CLIC6: variants seen among roughly 807,000 people sequenced by gnomAD.
CLIC6 encodes chloride intracellular channel protein 6.
A neutral mutation model predicts 49.2 loss-of-function variants in CLIC6; 39 were observed. The ratio of observed to expected loss-of-function variants is 0.79; its 90% CI spans 0.61 to 1.04. The LOEUF (loss-of-function observed/expected upper bound fraction) is 1.04, where lower values mean the gene tolerates loss of function less well. Ranked by LOEUF, CLIC6 falls within the 50% of genes least tolerant of loss-of-function variation. CLIC6 has a pLI of 0.00. For synonymous variants in CLIC6, 446 were observed against 433.4 expected (o/e 1.03, Z -0.36); for missense variants, 988 against 993.1 (o/e 0.99, Z 0.07).
intron 1 of CLIC6, among the ~76,000 whole-genome samples, chr21:34,701,018 G>GA (rs1990177777): frequency 1.4e-5 from 2 of 138,990 alleles, no homozygotes; most frequent in African/African-American, 2.9e-5. Context: ...TTTTCACTTG[G>GA]AGTAGGTATA....
At chr21:34,692,606 T>A (rs772092593) in intron 1 of CLIC6, among the ~76,000 whole-genome samples, 21 of 152,242 alleles carry the variant, frequency 1.4e-4, no homozygotes, top group Non-Finnish European at 8.8e-5. Flanking sequence ...CTAGTTTCAG[T>A]GTAAACAAAA....
intron 1 of CLIC6, among the ~76,000 whole-genome samples, chr21:34,682,209 A>G (rs528408094): frequency 2.6e-3 from 391 of 152,290 alleles, no homozygotes; most frequent in African/African-American, 8.6e-3. Context: ...GTGCATATTT[A>G]AGATTTTGAT....
intron 1 of CLIC6, among the ~76,000 whole-genome samples, chr21:34,706,643 C>T (rs2056016546): frequency 6.6e-6 from 1 of 152,134 alleles, no homozygotes; most frequent in Admixed American, 6.5e-5. Flanking sequence ...CCATCATAGA[C>T]AAGTTTGCCC....
At chr21:34,681,798 G>C (rs1989785043) in intron 1 of CLIC6, among the ~76,000 whole-genome samples, 1 of 152,154 alleles carries the variant, frequency 6.6e-6, no homozygotes. Context: ...TTAGAAATAT[G>C]ATCACTAAGT....
At chr21:34,707,451 A>ACACACACACACACG in intron 2 of CLIC6, 62 bp downstream of exon 2, 1 of 868,002 alleles carries the variant, frequency 1.2e-6, no homozygotes, top group Non-Finnish European at 1.9e-6. Context: ...ACACACACAC[A>ACACACACACACACG]CACACACACA....
In CLIC6 at chr21:34,669,375, A is replaced by C; in HGVS notation, c.-14A>C. 1 of 1,237,430 alleles carries C rather than the reference A, an allele frequency of 8.1e-7. No individual in the cohort carries two copies. Among genetic ancestry groups the C allele is most frequent in the Non-Finnish European group, 1.0e-6 (1 of 990,744 alleles). 76.7% of individuals were successfully genotyped at this position (1,237,430 alleles called of 1,614,324 possible). A position where few individuals can be genotyped will look rare whatever the true frequency, so the allele number is the denominator to read the frequency against. Reference sequence around the variant, plus strand: ...CAAGGAAGGAGTCCCGATCAAGGACAGGGATCTGCGGCCATGGCCGAGGCC... The same window carrying C: ...CAAGGAAGGAGTCCCGATCAAGGACCGGGATCTGCGGCCATGGCCGAGGCC... On this transcript the variant is annotated 5_prime_UTR_variant, in exon 1 of 6. Transcript: ENST00000349499.
intron 1 of CLIC6, among the ~76,000 whole-genome samples, chr21:34,682,810 T>A (rs1184544541): frequency 3.9e-5 from 5 of 127,634 alleles, no homozygotes; most frequent in African/African-American, 1.6e-4. Context: ...CATTTTTTTT[T>A]TTTTTTTTTT....
At chr21:34,674,695 A>G (rs1317194308) in intron 1 of CLIC6, among the ~76,000 whole-genome samples, 7 of 152,220 alleles carry the variant, frequency 4.6e-5, no homozygotes, top group African/African-American at 1.7e-4. Context: ...TTGTTTTCTC[A>G]AAGAAGTGTT....
At chr21:34,694,248 G>T (rs987608966) in intron 1 of CLIC6, among the ~76,000 whole-genome samples, 6 of 150,110 alleles carry the variant, frequency 4.0e-5, no homozygotes, top group Non-Finnish European at 8.9e-5. Flanking sequence ...GAAAGTGTTG[G>T]GATTATAGGC....
In CLIC6 at chr21:34,694,259, G is replaced by A. The variant is rs190866188; in HGVS notation, c.1375-13021G>A. Among the ~76,000 whole-genome samples, 554 of 151,186 alleles carry A rather than the reference G, an allele frequency of 3.7e-3. 15 individuals carry two copies. The highest frequency in any genetic ancestry group is 0.034 in the Admixed American group (514 of 15,152). ...CTCCGAAAGTGTTGGGATTATAGGC[G>A]TGAGCCATCGCGCCCGGCCAAGATC... On this transcript the variant is annotated intron_variant, in intron 1 of 5. Transcript: ENST00000349499.
chr21:34,708,129 G>A (rs2056029738), intron 3 of CLIC6, 60 bp downstream of exon 3: 2 of 1,594,710 alleles, frequency 1.3e-6, no homozygotes, highest in South Asian at 2.2e-5. Context: ...CTAGTAGTCA[G>A]TTCTAAAGCT....
chr21:34,693,498 G>A (rs1183568037), intron 1 of CLIC6, among the ~76,000 whole-genome samples: 1 of 152,174 alleles, frequency 6.6e-6, no homozygotes, highest in East Asian at 1.9e-4. Context: ...ACCATAGTAA[G>A]GAACCAAGAT....
chr21:34,718,210 A>G lies in CLIC6; in HGVS notation c.*1728A>G, dbSNP rs1196795288. 1 of 152,424 alleles carries G rather than the reference A, an allele frequency of 6.6e-6. No individual in the cohort carries two copies. The highest frequency in any genetic ancestry group is 1.5e-5 in the Non-Finnish European group (1 of 68,006). The allele number at this position is 152,424 out of a possible 1,614,324, so 9.4% of individuals were successfully genotyped here. On this transcript the variant is annotated 3_prime_UTR_variant, in exon 6 of 6. Transcript: ENST00000349499. ...CTTGAAAATGAAACAAATTATAAAA[A>G]TGTTTAAATGGAACCAATTTCTTTT...
chr21:34,691,127 T>TA (rs1400329374), intron 1 of CLIC6, among the ~76,000 whole-genome samples: 2 of 152,218 alleles, frequency 1.3e-5, no homozygotes, highest in Admixed American at 6.5e-5. Context: ...TGCTAACTTC[T>TA]ACAGGGAGGT....
At chr21:34,670,916 G>T (rs535403521) in intron 1 of CLIC6, among the ~76,000 whole-genome samples, 154 bp downstream of exon 1, 10 of 152,162 alleles carry the variant, frequency 6.6e-5, no homozygotes, top group South Asian at 6.2e-4. Context: ...GGGACAGCCG[G>T]GATTTCCCGG....
chr21:34,689,734 C>T (rs1303034016), intron 1 of CLIC6, among the ~76,000 whole-genome samples: 1 of 152,078 alleles, frequency 6.6e-6, no homozygotes, highest in Non-Finnish European at 1.5e-5. Flanking sequence ...TGTGCAATGT[C>T]AGGCTGGGGC....
Position 34,669,732 on chromosome 21 carries a change from G to A in CLIC6, c.344G>A (p.Arg115His). ...CAGGTGGAGGGGGCGAGCCCGGGAC[G>A]CGGCGCGCAGGGCGAGCCCCGCGGG... ...AQQVEGASPGRGAQGEPRGEA... is the reference protein window; with the variant it reads ...AQQVEGASPGHGAQGEPRGEA... The change falls in exon 1 of 6, where the codon CGC becomes CAC. Residue 115 changes from arginine (R) to histidine (H), a missense_variant. Physicochemically the swap from Arg to His is conservative, Grantham distance 29. This residue lies in a region of CLIC6 where 284 missense variants were observed against 278.6 expected (regional missense o/e 1.02). Coordinates refer to ENST00000349499, the MANE Select transcript of CLIC6 (RefSeq NM_053277.3). 1 of 1,385,190 alleles carries A rather than the reference G, an allele frequency of 7.2e-7. No individual in the cohort carries two copies. Among genetic ancestry groups the A allele is most frequent in the Non-Finnish European group, 9.3e-7 (1 of 1,079,902 alleles). The allele number at this position is 1,385,190 out of a possible 1,614,324, so 85.8% of individuals were successfully genotyped here.
At chr21:34,672,432 C>A (rs1324563503) in intron 1 of CLIC6, among the ~76,000 whole-genome samples, 1 of 152,182 alleles carries the variant, frequency 6.6e-6, no homozygotes, top group African/African-American at 2.4e-5. Flanking sequence ...TTGAAACTTT[C>A]TACATTATGT....
rs1568970716 is a variant in CLIC6, at chr21:34,708,806, A to T, written c.1717A>T (p.Ile573Phe). The part of the protein sequence containing the change: ...IKNTKKDANE[I>F]HEKNLLKALR... The stretch of plus-strand genomic sequence containing the variant: ...AAACACGAAGAAGGATGCAAATGAG[A>T]GTGAGTACCTCCCATCCTCCTGTTT... Residue 573 changes from isoleucine to phenylalanine, a missense_variant and splice_region_variant, in exon 4 of 6, where the codon ATT becomes TTT. Transcript: ENST00000349499. 1 of 1,600,262 alleles carries T rather than the reference A, an allele frequency of 6.2e-7. No individual in the cohort carries two copies. Among genetic ancestry groups the T allele is most frequent in the Admixed American group, 1.7e-5 (1 of 60,004 alleles).
Sources: gnomAD v4.1 joint callset for allele counts (sites outside exome capture counted in the v4.1 genomes callset) on GRCh38, gnomAD v4.1.1 for gene constraint, gnomAD v4.1.1 regional missense constraint, MANE v1.5 for transcripts, NCBI Gene and HGNC (gene_info 2026-07-23, HGNC 2026-07-21) for gene names.